LARGE1: variants seen among roughly 807,000 people sequenced by gnomAD.
LARGE1 encodes the protein LARGE xylosyl- and glucuronyltransferase 1.
LARGE1 carries 43 observed loss-of-function variants against 87.6 expected under a neutral mutation model. The ratio of observed to expected loss-of-function variants is 0.49; its 90% CI spans 0.38 to 0.63. The LOEUF (loss-of-function observed/expected upper bound fraction) is 0.63. Among genes scored for constraint, LARGE1 ranks in the 30% least tolerant of loss-of-function variants. The probability of loss-of-function intolerance (pLI) is 0.00; values close to 1 mark genes in which losing one functional copy is unlikely to be tolerated. For synonymous variants in LARGE1, 434 were observed against 394.6 expected, an observed-to-expected ratio of 1.10 and a Z score of -1.18; for missense variants, 802 against 1,000.2, an observed-to-expected ratio of 0.80 and a Z score of 2.67.
chr22:33,400,925 T>G (rs1428428293), intron 7 of LARGE1, among the ~76,000 whole-genome samples: 2 of 152,164 alleles, frequency 1.3e-5, no homozygotes, highest in Non-Finnish European at 2.9e-5. Context: ...CAGACACATA[T>G]TCTCAGTTTT....
At chr22:33,604,364 T>A (rs2079192367) in intron 5 of LARGE1, 71 bp downstream of exon 5, 1 of 1,600,532 alleles carries the variant, frequency 6.2e-7, no homozygotes. Flanking sequence ...ATTGCTACAG[T>A]CTGCTCAACC....
chr22:33,665,525 G>A (rs536165860), intron 2 of LARGE1, among the ~76,000 whole-genome samples: 8 of 152,280 alleles, frequency 5.3e-5, no homozygotes, highest in African/African-American at 1.9e-4. Flanking sequence ...CCACTTTGGC[G>A]GGATGAATGT....
intron 4 of LARGE1, among the ~76,000 whole-genome samples, chr22:33,609,248 A>G (rs2079354592): frequency 6.6e-6 from 1 of 152,242 alleles, no homozygotes; most frequent in African/African-American, 2.4e-5. Flanking sequence ...ACGTCAGAAC[A>G]TGGATGCGCC....
chr22:33,643,896 G>C (rs1321983383), intron 3 of LARGE1, among the ~76,000 whole-genome samples: 1 of 152,118 alleles, frequency 6.6e-6, no homozygotes, highest in Non-Finnish European at 1.5e-5. Flanking sequence ...CCAATAACAA[G>C]TTCTGAAATT....
intron 2 of LARGE1, among the ~76,000 whole-genome samples, chr22:33,748,838 G>A (rs2084201905): frequency 6.6e-6 from 1 of 152,198 alleles, no homozygotes; most frequent in African/African-American, 2.4e-5. Flanking sequence ...GCTGCAGTAT[G>A]TTAGGAAGTC....
chr22:33,401,645 C>T lies in LARGE1; in HGVS notation c.893-17341G>A, dbSNP rs115903043. Among the ~76,000 whole-genome samples the T allele has an allele frequency of 7.5e-3, 1,143 of 152,106 alleles. 11 individuals carry two copies. The highest frequency in any genetic ancestry group is 0.026 in the African/African-American group (1,077 of 41,474). On this transcript the variant is annotated intron_variant, in intron 7 of 14. Transcript: ENST00000397394. ...TCAGGCTAATCCAATAGGACTGGTG[C>T]CCTCATGTGAAGAAGCAATTAGGAG...
At chr22:33,616,057 C>T (rs373615266) in intron 4 of LARGE1, among the ~76,000 whole-genome samples, 69 of 152,150 alleles carry the variant, frequency 4.5e-4, no homozygotes, top group African/African-American at 1.2e-3. Flanking sequence ...CAATGGTTAC[C>T]GGTGGAACTG....
At chr22:33,732,801 A>T (rs1601459057) in intron 2 of LARGE1, 1 of 151,890 alleles carries the variant, frequency 6.6e-6, no homozygotes. Context: ...CTACTCGCAC[A>T]CTCTCCTGTG....
At chr22:33,670,412 C>T (rs2149262021) in intron 2 of LARGE1, among the ~76,000 whole-genome samples, 1 of 151,626 alleles carries the variant, frequency 6.6e-6, no homozygotes, top group Non-Finnish European at 1.5e-5. Context: ...AGGTGAGCAC[C>T]AAGACGCTAG....
At chr22:33,167,535 C>T (rs1436645482) in intron 11 of LARGE1, among the ~76,000 whole-genome samples, 4 of 152,198 alleles carry the variant, frequency 2.6e-5, no homozygotes, top group Admixed American at 1.3e-4. Context: ...ATCCATTCAC[C>T]CATTCTATGT....
intron 6 of LARGE1, among the ~76,000 whole-genome samples, chr22:33,468,317 C>T (rs1312633881): frequency 6.6e-6 from 1 of 152,108 alleles, no homozygotes; most frequent in Admixed American, 6.6e-5. Context: ...ATGAAAAAAA[C>T]CCATTGATCT....
chr22:33,792,432 C>T (rs150659118), intron 1 of LARGE1, among the ~76,000 whole-genome samples: 4 of 152,294 alleles, frequency 2.6e-5, no homozygotes, highest in Non-Finnish European at 4.4e-5. Context: ...CCTGAGGCCT[C>T]CCCAGTGATG....
chr22:33,389,074 T>C (rs1255309763), intron 7 of LARGE1, among the ~76,000 whole-genome samples: 1 of 152,158 alleles, frequency 6.6e-6, no homozygotes, highest in African/African-American at 2.4e-5. Flanking sequence ...GGCTAGGACT[T>C]GGTCAGGCAG....
intron 3 of LARGE1, 74 bp downstream of exon 3, chr22:33,650,292 CA>C: frequency 6.4e-7 from 1 of 1,563,608 alleles, no homozygotes; most frequent in Non-Finnish European, 8.8e-7. Context: ...GCTGTGTTTC[CA>C]GGAGGCATTT....
chr22:33,673,672 C>A (rs1474560593), intron 2 of LARGE1, among the ~76,000 whole-genome samples: 2 of 152,048 alleles, frequency 1.3e-5, no homozygotes, highest in Non-Finnish European at 2.9e-5. Flanking sequence ...AACTCCAGAC[C>A]CATGAAAAAA....
At chr22:33,681,118 T>C (rs1321262524) in intron 2 of LARGE1, among the ~76,000 whole-genome samples, 1 of 152,248 alleles carries the variant, frequency 6.6e-6, no homozygotes, top group South Asian at 2.1e-4. Flanking sequence ...TTATTTATAT[T>C]GCTAGAAAAG....
intron 7 of LARGE1, among the ~76,000 whole-genome samples, chr22:33,402,957 C>T (rs185364089): frequency 1.3e-5 from 2 of 152,318 alleles, no homozygotes; most frequent in East Asian, 3.9e-4. Context: ...AGATTCAAAT[C>T]CAGTTTCACT....
intron 1 of LARGE1, among the ~76,000 whole-genome samples, chr22:33,829,670 CCCT>C (rs1204291964): frequency 6.6e-6 from 1 of 152,264 alleles, no homozygotes; most frequent in East Asian, 1.9e-4. Context: ...CTACTAAAAC[CCCT>C]CCTCCTCCCT....
chr22:33,416,253 A>C (rs2066480148), intron 7 of LARGE1, among the ~76,000 whole-genome samples: 1 of 152,166 alleles, frequency 6.6e-6, no homozygotes, highest in South Asian at 2.1e-4. Context: ...ACCTTCAGTG[A>C]AACTAAAAAC....
Sources: allele counts gnomAD v4.1 joint callset (sites outside exome capture counted in the v4.1 genomes callset), GRCh38; gene constraint gnomAD v4.1.1; transcripts MANE v1.5; gene names NCBI Gene and HGNC (gene_info 2026-07-23, HGNC 2026-07-21).